Variants in EYS observed in about 807,000 individuals in gnomAD.
The protein encoded by EYS is EGF-like photoreceptor maintenance factor, also known as protein eyes shut homolog.
Under a neutral mutation model 282.1 loss-of-function variants are expected in EYS, and 250 were observed. The observed-to-expected ratio is 0.89, with a 90% CI of 0.80 to 0.98. EYS has a LOEUF of 0.98. Among genes scored for constraint, EYS ranks in the 50% least tolerant of loss-of-function variants. The probability of loss-of-function intolerance (pLI) is 0.00; values close to 1 mark genes in which losing one functional copy is unlikely to be tolerated. For synonymous variants in EYS, 1,355 were observed against 1,282.9 expected (o/e 1.06, Z -1.20); for missense variants, 4,016 against 3,709.0 (o/e 1.08, Z -2.15).
At chr6:63,825,028 C>T (rs549925258) in intron 36 of EYS, among the ~76,000 whole-genome samples, 3 of 152,270 alleles carry the variant, frequency 2.0e-5, no homozygotes, top group Middle Eastern at 3.4e-3. Flanking sequence ...CCCTCTCACC[C>T]GCCACCTGGG....
At chr6:65,189,793 A>C (rs1032548961) in intron 12 of EYS, among the ~76,000 whole-genome samples, 2 of 151,796 alleles carry the variant, frequency 1.3e-5, no homozygotes, top group Non-Finnish European at 2.9e-5. Context: ...AATCCTAATG[A>C]AGAAAAGCAT....
intron 22 of EYS, among the ~76,000 whole-genome samples, chr6:64,662,310 C>T (rs567489691): frequency 2.0e-5 from 3 of 151,864 alleles, no homozygotes; most frequent in South Asian, 2.1e-4. Context: ...GTGCAGCATA[C>T]CAACATGGCA....
chr6:64,294,704 T>C (rs1768843245), intron 30 of EYS, among the ~76,000 whole-genome samples: 1 of 152,182 alleles, frequency 6.6e-6, no homozygotes, highest in African/African-American at 2.4e-5. Context: ...TAGTCAAAGA[T>C]AATAGTGGAT....
chr6:64,062,378 C>T (rs192256629), intron 33 of EYS, among the ~76,000 whole-genome samples: 73 of 152,222 alleles, frequency 4.8e-4, no homozygotes, highest in African/African-American at 1.6e-3. Context: ...TTGTATCTTA[C>T]TGGCCTAAAC....
intron 28 of EYS, among the ~76,000 whole-genome samples, chr6:64,426,015 T>C (rs1774397977): frequency 6.6e-6 from 1 of 152,092 alleles, no homozygotes; most frequent in Admixed American, 6.6e-5. Context: ...TAGATGAGTC[T>C]AGAATTCATA....
chr6:65,248,208 G>A (rs747879225), intron 12 of EYS, among the ~76,000 whole-genome samples: 2 of 151,850 alleles, frequency 1.3e-5, no homozygotes, highest in African/African-American at 2.4e-5. Flanking sequence ...ATTTTACATT[G>A]AGATTGCCAT....
intron 12 of EYS, among the ~76,000 whole-genome samples, chr6:65,109,031 T>C (rs567694572): frequency 3.3e-5 from 5 of 152,220 alleles, no homozygotes; most frequent in African/African-American, 1.2e-4. Flanking sequence ...TTTTTAGCTC[T>C]AGAACGTCTT....
intron 19 of EYS, among the ~76,000 whole-genome samples, chr6:64,824,494 A>G (rs912658609): frequency 6.6e-6 from 1 of 151,958 alleles, no homozygotes; most frequent in African/African-American, 2.4e-5. Context: ...TGATAAAAAT[A>G]TCACAAACAC....
chr6:64,642,971 TG>T (rs1249677741), intron 22 of EYS, among the ~76,000 whole-genome samples: 4 of 152,070 alleles, frequency 2.6e-5, no homozygotes, highest in Non-Finnish European at 5.9e-5. Context: ...CAAAATTAGC[TG>T]GGCGTGGTGG....
At chr6:63,732,852 G>A (rs1050093127) in intron 41 of EYS, among the ~76,000 whole-genome samples, 2 of 152,180 alleles carry the variant, frequency 1.3e-5, no homozygotes, top group African/African-American at 4.8e-5. Context: ...CATCCTTGTG[G>A]ATGGAAATAG....
At chr6:65,021,947 A>T (rs956887418) in intron 13 of EYS, among the ~76,000 whole-genome samples, 6 of 152,144 alleles carry the variant, frequency 3.9e-5, no homozygotes, top group African/African-American at 1.4e-4. Flanking sequence ...CTATTACAAG[A>T]ACAGCAGCAT....
intron 8 of EYS, among the ~76,000 whole-genome samples, chr6:65,354,199 G>A (rs992476190): frequency 6.6e-6 from 1 of 152,054 alleles, no homozygotes; most frequent in African/African-American, 2.4e-5. Flanking sequence ...AGTACATGCT[G>A]CGCTACTTAG....
chr6:63,858,545 A>G (rs1562063473), intron 36 of EYS, among the ~76,000 whole-genome samples: 1 of 152,334 alleles, frequency 6.6e-6, no homozygotes, highest in East Asian at 1.9e-4. Context: ...CTCAGTTCTT[A>G]TGGAATAAAA....
At chr6:65,601,031 T>G (rs1268951035) in intron 2 of EYS, among the ~76,000 whole-genome samples, 1 of 151,920 alleles carries the variant, frequency 6.6e-6, no homozygotes, top group African/African-American at 2.4e-5. Context: ...CATGATAGAT[T>G]CAAAATATAT....
In EYS at chr6:65,551,130, G is replaced by A. The variant is rs1582445980; in HGVS notation, c.-332-55137C>T. 6.9e-5 allele frequency among the ~76,000 whole-genome samples: 3 copies of A among 43,708 alleles called. 1 individual carries two copies. The highest frequency in any genetic ancestry group is 2.0e-3 in the South Asian group (2 of 982). 28.7% of individuals were successfully genotyped at this position (43,708 alleles called of 152,430 possible). A position where few individuals can be genotyped will look rare whatever the true frequency, so the allele number is the denominator to read the frequency against. On this transcript the variant is annotated intron_variant, in intron 2 of 42. Coordinates refer to ENST00000503581, the MANE Select transcript of EYS (RefSeq NM_001142800.2). ...AATCCAACTTACAAGGGATGTGAAG[G>A]ACCTCTTCAAGGAGAACTACAAACC...
At chr6:65,412,126 A>G (rs746416566) in intron 5 of EYS, among the ~76,000 whole-genome samples, 1 of 152,164 alleles carries the variant, frequency 6.6e-6, no homozygotes, top group African/African-American at 2.4e-5. Context: ...ATGTGAGGAT[A>G]CAACAAAAAG....
intron 31 of EYS, among the ~76,000 whole-genome samples, chr6:64,188,174 C>A (rs529820762): frequency 3.9e-5 from 6 of 152,158 alleles, no homozygotes; most frequent in African/African-American, 1.4e-4. Flanking sequence ...ATATAAAGTT[C>A]CACAGATGAA....
intron 26 of EYS, among the ~76,000 whole-genome samples, chr6:64,567,064 T>C (rs941908200): frequency 2.6e-5 from 4 of 152,068 alleles, no homozygotes; most frequent in African/African-American, 9.7e-5. Flanking sequence ...CATGAGCCAC[T>C]CCACCCGGCC....
chr6:64,473,929 A>T lies in EYS; in HGVS notation c.5645-34577T>A, dbSNP rs531836899. On this transcript the variant is annotated intron_variant, in intron 26 of 42. Coordinates refer to ENST00000503581, the MANE Select transcript of EYS (RefSeq NM_001142800.2). ...ATAACTTCACCTTTTGTTTCAAGAC[A>T]TTCTTATCAAGAAACAATTATTTGC... is the stretch of plus-strand genomic sequence containing the variant. Among the ~76,000 whole-genome samples the T allele has an allele frequency of 7.9e-5, 12 of 152,346 alleles. No individual in the cohort carries two copies. In the East Asian group the frequency reaches 2.3e-3, roughly 29 times the overall value.
Sources: gnomAD v4.1 joint callset for allele counts (sites outside exome capture counted in the v4.1 genomes callset) on GRCh38, gnomAD v4.1.1 for gene constraint, MANE v1.5 for transcripts, NCBI Gene and HGNC (gene_info 2026-07-23, HGNC 2026-07-21) for gene names.